ABHD2: variants seen among roughly 807,000 people sequenced by gnomAD.
ABHD2 encodes abhydrolase domain containing 2, acylglycerol lipase.
Under a neutral mutation model 48.1 loss-of-function variants are expected in ABHD2, and 20 were observed. The observed-to-expected ratio is 0.42, with a 90% CI of 0.29 to 0.60. The LOEUF is 0.60. Among genes scored for constraint, ABHD2 ranks in the 20% least tolerant of loss-of-function variants. The pLI is 0.24. For missense variants in ABHD2, 405 were observed against 550.9 expected (o/e 0.74, Z 2.65); for synonymous variants, 209 against 214.2 (o/e 0.98, Z 0.21).
rs1901458262 is a variant in ABHD2 at position 89,088,602 on chromosome 15, C to A, written c.-107+39C>A. 1 of 152,372 alleles carries A rather than the reference C, an allele frequency of 6.6e-6. No homozygotes were observed. Among genetic ancestry groups the A allele is most frequent in the Admixed American group, 6.5e-5 (1 of 15,292 alleles). 9.4% of individuals were successfully genotyped at this position (152,372 alleles called of 1,614,324 possible). On this transcript the variant is annotated intron_variant, in intron 1 of 10. Transcript: ENST00000352732. This position sits in a 1 kb window ranked among gnomAD's most constrained non-coding sequence, Gnocchi z 6.8. ...CGAGCGAGCTCCGCGGAGCGGGGAT[C>A]GCACCCCGGACCCGTCGAACCGAAT...
chr15:89,105,603 C>A (rs2049771936), intron 1 of ABHD2, among the ~76,000 whole-genome samples: 1 of 152,250 alleles, frequency 6.6e-6, no homozygotes, highest in Non-Finnish European at 1.5e-5. Flanking sequence ...TTCTCTTCTA[C>A]TAAATTGTGT....
In ABHD2 at chr15:89,174,018, G is replaced by T. The variant is rs945340587; in HGVS notation, c.539-1794G>T. ...AAGTATAGGGGATACTGTCTGGGAA[G>T]AGGCATGAGGAGGCCTCCAGGGGTG... On this transcript the variant is annotated intron_variant, in intron 5 of 10. Transcript: ENST00000352732. This position sits in a 1 kb window ranked among gnomAD's most constrained non-coding sequence, Gnocchi z 4.1. Among the ~76,000 whole-genome samples the T allele has an allele frequency of 1.3e-5, 2 of 152,148 alleles. No homozygotes were observed. The highest frequency in any genetic ancestry group is 2.9e-5 in the Non-Finnish European group (2 of 68,040).
At chr15:89,061,578 AT>A in the ABHD2 span, among the ~76,000 whole-genome samples, 4 of 150,398 alleles carry the variant, frequency 2.7e-5, no homozygotes, top group East Asian at 1.9e-4. Flanking sequence ...ACAGATCTGT[AT>A]TTTTTTTTTC....
upstream of ABHD2, among the ~76,000 whole-genome samples, chr15:89,085,007 A>G (rs1021523931): frequency 1.3e-5 from 2 of 152,208 alleles, no homozygotes; most frequent in Non-Finnish European, 2.9e-5. This position sits in a 1 kb window ranked among gnomAD's most constrained non-coding sequence, Gnocchi z 4.2. Flanking sequence ...CAGAATAACA[A>G]AAATGACAAA....
rs1014811582 is a variant in ABHD2 at position 89,116,058 on chromosome 15, C to G, written c.-6-264C>G. On this transcript the variant is annotated intron_variant, in intron 2 of 10. Transcript: ENST00000352732. This position sits in a 1 kb window ranked among gnomAD's most constrained non-coding sequence, Gnocchi z 4.6. ...TTTTTCAATTTTCTGATTTGCTCATCTTAGAAATGCTTGTGAAATTATAAA... is the reference window on the plus strand; with the variant it reads ...TTTTTCAATTTTCTGATTTGCTCATGTTAGAAATGCTTGTGAAATTATAAA... 1.3e-5 allele frequency among the ~76,000 whole-genome samples: 2 copies of G among 152,204 alleles called. No individual in the cohort carries two copies. Among genetic ancestry groups the G allele is most frequent in the African/African-American group, 4.8e-5 (2 of 41,446 alleles).
the ABHD2 span, among the ~76,000 whole-genome samples, chr15:89,059,624 G>A: frequency 6.6e-5 from 10 of 152,228 alleles, no homozygotes; most frequent in African/African-American, 1.4e-4. Context: ...AAGTACGACC[G>A]GCTACCCCAT....
chr15:89,159,335 C>G (rs1028152436), intron 5 of ABHD2, among the ~76,000 whole-genome samples: 8 of 152,132 alleles, frequency 5.3e-5, no homozygotes, highest in African/African-American at 1.9e-4. Context: ...CGAGATCACA[C>G]CACTGCACTT....
chr15:89,193,732 T>G (rs2051344614), intron 10 of ABHD2, among the ~76,000 whole-genome samples: 1 of 152,100 alleles, frequency 6.6e-6, no homozygotes, highest in Non-Finnish European at 1.5e-5. Flanking sequence ...GGAGGATCGC[T>G]TGAGGCCAGG....
At chr15:89,193,042 T>G (rs775542236) in intron 9 of ABHD2, among the ~76,000 whole-genome samples, 193 bp from the exon 10 acceptor site, 14 of 152,218 alleles carry the variant, frequency 9.2e-5, no homozygotes, top group Non-Finnish European at 1.9e-4. Flanking sequence ...AGGGCAGTAA[T>G]CACAATGGCA....
In ABHD2 at chr15:89,167,513, G is replaced by A. The variant is rs2050855814; in HGVS notation, c.539-8299G>A. On this transcript the variant is annotated intron_variant, in intron 5 of 10. Coordinates refer to ENST00000352732, the MANE Select transcript of ABHD2 (RefSeq NM_152924.5). This position sits in a 1 kb window ranked among gnomAD's most constrained non-coding sequence, Gnocchi z 5.5. ...GAGTCATATCCAAAGCAGAACAGTG[G>A]CCAAGAGTGGTGAGTTCTGCACTTT... Among the ~76,000 whole-genome samples the A allele has an allele frequency of 6.6e-6, 1 of 152,148 alleles. No individual in the cohort carries two copies. The highest frequency in any genetic ancestry group is 2.4e-5 in the African/African-American group (1 of 41,414).
intron 10 of ABHD2, among the ~76,000 whole-genome samples, chr15:89,194,688 C>T (rs1366993102): frequency 2.0e-5 from 3 of 152,162 alleles, no homozygotes; most frequent in African/African-American, 7.2e-5. Flanking sequence ...TGGGCATCAC[C>T]TGGGAACTTT....
At chr15:89,071,644 CAGGA>C in the ABHD2 span, among the ~76,000 whole-genome samples, 1 of 152,180 alleles carries the variant, frequency 6.6e-6, no homozygotes, top group Admixed American at 6.5e-5. Flanking sequence ...TTCCACCAGA[CAGGA>C]AGGGAGTGGG....
intron 3 of ABHD2, among the ~76,000 whole-genome samples, chr15:89,129,696 C>T (rs534011759): frequency 2.0e-5 from 3 of 152,178 alleles, no homozygotes; most frequent in South Asian, 2.1e-4. Context: ...CCAGCCCTGC[C>T]CCCTGCTGGC....
intron 1 of ABHD2, chr15:89,093,900 A>T (rs2049568092): frequency 6.6e-6 from 1 of 152,266 alleles, no homozygotes; most frequent in South Asian, 2.1e-4. Context: ...TATAGTCTTC[A>T]GTGGCTCCCA....
intron 10 of ABHD2, among the ~76,000 whole-genome samples, chr15:89,194,661 G>T (rs1040065467): frequency 1.3e-5 from 2 of 152,104 alleles, no homozygotes; most frequent in African/African-American, 4.8e-5. Flanking sequence ...CTCAGAGCCT[G>T]GCCCCCACCA....
chr15:89,053,400 C>T, the ABHD2 span, among the ~76,000 whole-genome samples: 1 of 152,184 alleles, frequency 6.6e-6, no homozygotes, highest in Non-Finnish European at 1.5e-5. Flanking sequence ...AACTGACATG[C>T]AGCATAATCT....
the ABHD2 span, among the ~76,000 whole-genome samples, chr15:89,045,835 C>T: frequency 2.0e-5 from 3 of 151,100 alleles, no homozygotes; most frequent in East Asian, 1.9e-4. Flanking sequence ...AATCATGTCA[C>T]CTGCAAACAG....
chr15:89,195,240 C>T lies in ABHD2; in HGVS notation c.1095C>T (p.Asn365=), dbSNP rs200267265. ...TTTCCCCTGCAGAGAAACGAGAGAA[C>T]GTCATGTTTGTGCTGCCTCTGCATG... ...IPKSLSEKRE[N]VMFVLPLHGG... The change falls in exon 11 of 11, where the codon AAC becomes AAT. Residue 365 remains asparagine (N), a synonymous_variant. Transcript: ENST00000352732. This position sits in a 1 kb window ranked among gnomAD's most constrained non-coding sequence, Gnocchi z 5.1. The T allele has an allele frequency of 1.6e-5, 26 of 1,613,682 alleles. 1 individual carries two copies. The highest frequency in any genetic ancestry group is 1.3e-4 in the South Asian group (12 of 91,058).
rs1413802775 is a variant in ABHD2, at chr15:89,106,758, T to A, written c.-106-6967T>A. On this transcript the variant is annotated intron_variant, in intron 1 of 10. Coordinates refer to ENST00000352732, the MANE Select transcript of ABHD2 (RefSeq NM_152924.5). This position sits in a 1 kb window ranked among gnomAD's most constrained non-coding sequence, Gnocchi z 4.2. ...GGTGTCATGTTGCCCACATTTAAGG[T>A]TGACCACTTTTATCTGGTGTAGCAA... Among the ~76,000 whole-genome samples the A allele has an allele frequency of 1.3e-5, 2 of 152,196 alleles. No individual in the cohort carries two copies. The highest frequency in any genetic ancestry group is 4.8e-5 in the African/African-American group (2 of 41,446).
Sources: allele counts gnomAD v4.1 joint callset (sites outside exome capture counted in the v4.1 genomes callset), GRCh38; gene constraint gnomAD v4.1.1; non-coding constraint Gnocchi (gnomAD v3.1); transcripts MANE v1.5; gene names NCBI Gene and HGNC (gene_info 2026-07-23, HGNC 2026-07-21).